The following PTPRB variants were observed in gnomAD, a reference collection of about 807,000 sequenced individuals.
PTPRB encodes receptor-type tyrosine-protein phosphatase beta.
A neutral mutation model predicts 238.1 loss-of-function variants in PTPRB; 97 were observed. That is an observed-to-expected ratio of 0.41 (90% CI 0.35 to 0.48). The LOEUF (loss-of-function observed/expected upper bound fraction) is 0.48, where lower values mean the gene tolerates loss of function less well. Ranked by LOEUF, PTPRB falls within the 20% of genes least tolerant of loss-of-function variation. The pLI, the probability that PTPRB is intolerant of heterozygous loss-of-function variation, is 0.30. For missense variants in PTPRB, 2,292 were observed against 2,681.9 expected (o/e 0.85, Z 3.21); for synonymous variants, 970 against 995.4 (o/e 0.97, Z 0.48).
At chr12:70,525,400 C>T (rs1246272619) in intron 32 of PTPRB, 1 of 152,172 alleles carries the variant, frequency 6.6e-6, no homozygotes, top group East Asian at 1.9e-4. Flanking sequence ...ATAAGCCCCG[C>T]TGGACTGTTA....
intron 9 of PTPRB, among the ~76,000 whole-genome samples, chr12:70,585,830 T>C (rs1345939558): frequency 6.6e-6 from 1 of 151,596 alleles, no homozygotes; most frequent in Non-Finnish European, 1.5e-5. Context: ...CGGTGTGTGA[T>C]GTTCCCCACT....
intron 5 of PTPRB, among the ~76,000 whole-genome samples, chr12:70,595,253 A>G (rs1333524420): frequency 1.3e-5 from 2 of 152,110 alleles, no homozygotes; most frequent in Non-Finnish European, 2.9e-5. Context: ...AACAATGAGA[A>G]CACATGGACA....
In PTPRB at chr12:70,576,676, GGGGGGGAA is replaced by G. The variant is rs1324887369; in HGVS notation, c.2579-39_2579-32del. ...ATTTTGAAAGGTGGGGGGCGGGGGG[GGGGGGGAA>G]GGGGGATTCAAAAAGAAAGACACAG... On this transcript the variant is annotated intron_variant, in intron 10 of 33. Transcript: ENST00000334414. The G allele has an allele frequency of 1.4e-4, 34 of 236,462 alleles. 1 individual carries two copies. Among genetic ancestry groups the G allele is most frequent in the African/African-American group, 7.4e-4 (20 of 26,966 alleles). 14.6% of individuals were successfully genotyped at this position (236,462 alleles called of 1,614,324 possible). A position where few individuals can be genotyped will look rare whatever the true frequency, so the allele number is the denominator to read the frequency against.
chr12:70,541,088 GAGGCATTTACTTTCCAA>G lies in PTPRB; in HGVS notation c.5495-148_5495-132del, dbSNP rs577688624. ...ATAGAATTCAAGTGATGCCCACGATGAGGCATTTACTTTCCAAAGGCTCTGAGTATGCACCTAAGAAG... is the reference window on the plus strand; with the variant it reads ...ATAGAATTCAAGTGATGCCCACGATGAGGCTCTGAGTATGCACCTAAGAAG... On this transcript the variant is annotated intron_variant, in intron 22 of 33. Transcript: ENST00000334414. 1,256 of 743,250 alleles carry G rather than the reference GAGGCATTTACTTTCCAA, an allele frequency of 1.7e-3. 1 individual carries two copies. Among genetic ancestry groups the G allele is most frequent in the Admixed American group, 4.2e-3 (162 of 38,790 alleles). 46.0% of individuals were successfully genotyped at this position (743,250 alleles called of 1,614,324 possible).
intron 21 of PTPRB, among the ~76,000 whole-genome samples, chr12:70,552,386 A>G (rs1877008665): frequency 6.6e-6 from 1 of 151,040 alleles, no homozygotes; most frequent in South Asian, 2.1e-4. Context: ...TGGGAGGCTG[A>G]GGCAAGAGAA....
At chr12:70,539,096 A>C (rs564481852) in intron 26 of PTPRB, 82 bp from the exon 27 acceptor site, 71 of 1,104,988 alleles carry the variant, frequency 6.4e-5, no homozygotes, top group African/African-American at 5.5e-4. Context: ...ATAACATAAT[A>C]ACATGAAAAT....
chr12:70,559,439 G>A lies in PTPRB; in HGVS notation c.4618C>T (p.Leu1540Phe). The change falls in exon 18 of 34, where the codon CTT becomes TTT. Residue 1540 changes from leucine to phenylalanine, a missense_variant. Transcript: ENST00000334414. ...RKSEGRIVYGLRPGRSYQFNV... is the reference protein window; with the variant it reads ...RKSEGRIVYGFRPGRSYQFNV... ...AATTGATAGGATCTCCCTGGACGAA[G>A]ACCATACACAATGCGTCCTTCTGAT... is the stretch of plus-strand genomic sequence containing the variant. 1 of 1,613,974 alleles carries A rather than the reference G, an allele frequency of 6.2e-7. No homozygotes were observed. Among genetic ancestry groups the A allele is most frequent in the Non-Finnish European group, 8.5e-7 (1 of 1,179,854 alleles).
At chr12:70,613,737 T>G (rs1460190997) in intron 3 of PTPRB, among the ~76,000 whole-genome samples, 1 of 152,206 alleles carries the variant, frequency 6.6e-6, no homozygotes. Context: ...CTGCTCTTCT[T>G]GCACAGGGAT....
chr12:70,533,838 G>A (rs1305963708), intron 31 of PTPRB, among the ~76,000 whole-genome samples: 2 of 152,170 alleles, frequency 1.3e-5, no homozygotes, highest in Non-Finnish European at 2.9e-5. Flanking sequence ...CACCATCTTG[G>A]AAGCAGAGAC....
At chr12:70,614,783 G>A (rs893697814) in intron 3 of PTPRB, among the ~76,000 whole-genome samples, 5 of 152,080 alleles carry the variant, frequency 3.3e-5, no homozygotes, top group African/African-American at 9.7e-5. Flanking sequence ...GTTTTACTTC[G>A]AACCGGCTCA....
At position 70,571,069 on chromosome 12, in the gene PTPRB, A is replaced by G. The variant is rs759122884; in HGVS notation, c.3327T>C (p.Ile1109=). 1.2e-6 allele frequency: 2 copies of G among 1,613,976 alleles called. No individual in the cohort carries two copies. Among genetic ancestry groups the G allele is most frequent in the Non-Finnish European group, 8.5e-7 (1 of 1,179,872 alleles). ...AGGCTGACTGCTGTACATCCCCGCT[A>G]ATCGTCAAGACAAGAATTTTGTATT... ...GRQYKILVLT[I]SGDVQQSAFI... is the part of the protein sequence containing the mutation. The change falls in exon 13 of 34, where the codon ATT becomes ATC. Residue 1109 remains isoleucine, a synonymous_variant. Coordinates refer to ENST00000334414, the MANE Select transcript of PTPRB (RefSeq NM_001109754.4).
intron 13 of PTPRB, 145 bp downstream of exon 13, chr12:70,570,881 C>T (rs1879954494): frequency 1.1e-6 from 1 of 887,368 alleles, no homozygotes; most frequent in Non-Finnish European, 1.7e-6. Flanking sequence ...GGTTGGACAA[C>T]ATCATTGTCA....
intron 4 of PTPRB, 67 bp from the exon 5 acceptor site, chr12:70,596,394 G>C: frequency 6.9e-6 from 9 of 1,300,296 alleles, no homozygotes; most frequent in Non-Finnish European, 7.8e-6. Context: ...AAAGAACATG[G>C]CTTGAAGACT....
chr12:70,557,438 C>T (rs1877865906), intron 18 of PTPRB, among the ~76,000 whole-genome samples: 1 of 152,176 alleles, frequency 6.6e-6, no homozygotes, highest in African/African-American at 2.4e-5. Flanking sequence ...ATAATCATTC[C>T]TCATGAAACA....
intron 23 of PTPRB, chr12:70,540,631 T>A (rs1051831664): frequency 1.2e-5 from 6 of 486,116 alleles, no homozygotes; most frequent in Non-Finnish European, 1.8e-5. Flanking sequence ...AAGCTATAGA[T>A]GGCCCCTCAG....
chr12:70,592,572 CT>C, intron 6 of PTPRB, 27 bp from the exon 7 acceptor site: 1 of 1,598,884 alleles, frequency 6.3e-7, no homozygotes. Flanking sequence ...AGAAAGGAGA[CT>C]TTTACTCAGG....
intron 13 of PTPRB, 24 bp from the exon 14 acceptor site, chr12:70,569,962 A>T: frequency 6.3e-7 from 1 of 1,576,450 alleles, no homozygotes; most frequent in South Asian, 1.1e-5. Context: ...TAAATTTAAA[A>T]GTCATCACTT....
chr12:70,573,609 G>A (rs1880365759), intron 11 of PTPRB, among the ~76,000 whole-genome samples: 3 of 149,526 alleles, frequency 2.0e-5, no homozygotes, highest in South Asian at 2.1e-4. Context: ...TGGTTCAAGC[G>A]ATTCTCCTGC....
chr12:70,559,610 T>C lies in PTPRB; in HGVS notation c.4447A>G (p.Ser1483Gly). 6.2e-7 allele frequency: 1 copy of C among 1,609,838 alleles called. No individual in the cohort carries two copies. The highest frequency in any genetic ancestry group is 1.3e-5 in the African/African-American group (1 of 74,936). Residue 1483 changes from serine (S) to glycine (G), a missense_variant, in exon 18 of 34, where the codon AGT (serine) becomes GGT (glycine). Physicochemically the swap from Ser to Gly is moderately conservative, Grantham distance 56. This residue lies in a region of PTPRB where 683 missense variants were observed against 862.0 expected (regional missense o/e 0.79). Coordinates refer to ENST00000334414, the MANE Select transcript of PTPRB (RefSeq NM_001109754.4). ...AESRTAPSPP[S>G]LMSFADIANT... Reference sequence around the variant, plus strand: ...GCAATGTCAGCAAATGACATAAGACTGGGAGGACTTGGAGCTGAATGTAGG... The same window carrying C: ...GCAATGTCAGCAAATGACATAAGACCGGGAGGACTTGGAGCTGAATGTAGG...
Sources: allele counts gnomAD v4.1 joint callset (sites outside exome capture counted in the v4.1 genomes callset), GRCh38; gene constraint gnomAD v4.1.1; regional missense constraint gnomAD v4.1.1; transcripts MANE v1.5; gene names NCBI Gene and HGNC (gene_info 2026-07-23, HGNC 2026-07-21).